The following PLEKHG5 variants were observed in gnomAD, a reference collection of about 807,000 sequenced individuals.
The protein encoded by PLEKHG5 is pleckstrin homology and RhoGEF domain containing G5.
PLEKHG5 carries 52 observed loss-of-function variants against 103.8 expected under a neutral mutation model. The observed-to-expected ratio is 0.50, with a 90% CI of 0.40 to 0.63. The LOEUF is 0.63. Ranked by LOEUF, PLEKHG5 falls within the 30% of genes least tolerant of loss-of-function variation. The pLI is 0.00. For synonymous variants in PLEKHG5, 592 were observed against 575.5 expected (o/e 1.03, Z -0.41); for missense variants, 1,205 against 1,347.6 (o/e 0.89, Z 1.66).
rs1482066801 is a variant in PLEKHG5, at chr1:6,474,074, G to T, written c.530C>A (p.Thr177Asn). Residue 177 changes from threonine (T) to asparagine (N), a missense_variant, in exon 7 of 21, where the codon ACC becomes AAC. Coordinates refer to ENST00000377728, the MANE Select transcript of PLEKHG5 (RefSeq NM_020631.6). ...LSLPILRPAG[T>N]GPPALERVDA... ...CACACGCTCCAGGGCGGGGGGCCCG[G>T]TCCCAGCTGGCCGCAGAATCGGCAA... is the stretch of plus-strand genomic sequence containing the variant. The T allele has an allele frequency of 1.2e-6, 2 of 1,612,456 alleles. No individual in the cohort carries two copies. Among genetic ancestry groups the T allele is most frequent in the African/African-American group, 2.7e-5 (2 of 74,910 alleles).
rs779340676 is a variant in PLEKHG5 at position 6,469,691 on chromosome 1, G to A, written c.1801-15C>T. The A allele has an allele frequency of 1.8e-5, 29 of 1,608,044 alleles. No individual in the cohort carries two copies. The highest frequency in any genetic ancestry group is 8.0e-5 in the African/African-American group (6 of 74,668). On this transcript the variant is annotated splice_polypyrimidine_tract_variant and intron_variant, in intron 16 of 20. Transcript: ENST00000377728. ...TACACATCCATCTGCAGTGGCAGGA[G>A]GGGGGGTGGCCAGAGAGGCCAGCAG...
At chr1:6,474,675 C>A in intron 5 of PLEKHG5, 88 bp from the exon 6 acceptor site, 5 of 1,353,062 alleles carry the variant, frequency 3.7e-6, no homozygotes, top group Non-Finnish European at 5.1e-6. Context: ...CCCGCCCCAC[C>A]CACAGCCCCA....
At chr1:6,497,362 CG>C, upstream of PLEKHG5, 7 of 1,076,756 alleles carry the variant, frequency 6.5e-6, no homozygotes, top group African/African-American at 1.7e-5. This position sits in a 1 kb window ranked among gnomAD's most constrained non-coding sequence, Gnocchi z 6.1. Flanking sequence ...GGGCGGCGGG[CG>C]GGGGCGCCGG....
At chr1:6,485,242 C>A (rs1002474477) in intron 1 of PLEKHG5, 69 of 955,428 alleles carry the variant, frequency 7.2e-5, no homozygotes, top group Middle Eastern at 6.2e-4. Context: ...GCACCCCCTC[C>A]CTGGCCTCCC....
intron 1 of PLEKHG5, among the ~76,000 whole-genome samples, chr1:6,512,787 C>T (rs1041246826): frequency 2.0e-5 from 3 of 152,214 alleles, no homozygotes; most frequent in African/African-American, 4.8e-5. Flanking sequence ...CCGGGCTCCC[C>T]GGGTTCAAAT....
At chr1:6,497,367 G>A (rs1215744138), upstream of PLEKHG5, 6 of 1,101,410 alleles carry the variant, frequency 5.4e-6, no homozygotes, top group Non-Finnish European at 6.7e-6. This position sits in a 1 kb window ranked among gnomAD's most constrained non-coding sequence, Gnocchi z 6.1. Flanking sequence ...GCGGGCGGGG[G>A]CGCCGGGGAC....
At position 6,468,353 on chromosome 1, in the gene PLEKHG5, T is replaced by G; in HGVS notation, c.2483A>C (p.Gln828Pro). 6.2e-7 allele frequency: 1 copy of G among 1,609,172 alleles called. No homozygotes were observed. Among genetic ancestry groups the G allele is most frequent in the Non-Finnish European group, 8.5e-7 (1 of 1,178,330 alleles). Residue 828 changes from glutamine to proline, a missense_variant, in exon 20 of 21, where the codon CAA (glutamine) becomes CCA (proline). Physicochemically the swap from Gln to Pro is moderately conservative, Grantham distance 76. Transcript: ENST00000377728. ...AYGTLSPTSL[Q>P]DFVAPGPMAE... is the part of the protein sequence containing the mutation. ...CATTGGGCCTGGGGCCACAAAGTCT[T>G]GTAAGGAGGTTGGGGAGAGGGTGCC...
Position 6,512,076 on chromosome 1 carries a change from A to G in PLEKHG5, c.-165+7369T>C, listed in dbSNP as rs533385528. ...GGCCTTCAAGGTGGCATCTCCTTTA[A>G]TCTACCCAGTGGCCCTGTGATTGGA... is the stretch of plus-strand genomic sequence containing the variant. On this transcript the variant is annotated intron_variant, in intron 1 of 21. Transcript: ENST00000377740. 2.0e-5 allele frequency among the ~76,000 whole-genome samples: 3 copies of G among 152,242 alleles called. No homozygotes were observed. The South Asian group carries it at 6.2e-4, about 32-fold the overall frequency.
At chr1:6,467,771 G>A (rs972517680) in intron 20 of PLEKHG5, 54 bp downstream of exon 20, 2 of 1,575,166 alleles carry the variant, frequency 1.3e-6, no homozygotes, top group African/African-American at 1.3e-5. Flanking sequence ...GCATGAGTGG[G>A]CCCCCATGCC....
At chr1:6,500,795 G>A (rs11807339), upstream of PLEKHG5, among the ~76,000 whole-genome samples, 1 of 152,056 alleles carries the variant, frequency 6.6e-6, no homozygotes. Flanking sequence ...CTCCCCACGT[G>A]CGCAACAGCC....
chr1:6,511,232 C>T (rs551953303), intron 1 of PLEKHG5, among the ~76,000 whole-genome samples: 1 of 152,302 alleles, frequency 6.6e-6, no homozygotes, highest in Admixed American at 6.5e-5. Context: ...CCTTGAGCTT[C>T]AACCAGGCCT....
upstream of PLEKHG5, among the ~76,000 whole-genome samples, chr1:6,499,707 C>G (rs1457753388): frequency 6.6e-5 from 10 of 152,132 alleles, no homozygotes; most frequent in South Asian, 2.1e-4. Flanking sequence ...CCATCTACAG[C>G]CTTCGAGGAA....
chr1:6,507,695 G>A (rs1348835657), intron 1 of PLEKHG5, among the ~76,000 whole-genome samples: 1 of 152,198 alleles, frequency 6.6e-6, no homozygotes, highest in Admixed American at 6.5e-5. Context: ...CAGCCTGCAC[G>A]CCCCCAGCTG....
At position 6,468,038 on chromosome 1, in the gene PLEKHG5, G is replaced by T; in HGVS notation, c.2798C>A (p.Pro933His). The change falls in exon 20 of 21, where the codon CCT (proline) becomes CAT (histidine). Residue 933 changes from proline to histidine, a missense_variant. Pro to His is a moderately conservative substitution (Grantham distance 77). Transcript: ENST00000377728. The part of the protein sequence containing the change: ...AGPSWDCRGA[P>H]SPGSGPGLVG... ...TAGCCCAGGACCGCTGCCAGGGCTA[G>T]GGGCCCCTCGGCAATCCCAGCTGGG... is the stretch of plus-strand genomic sequence containing the variant. 1 of 1,558,224 alleles carries T rather than the reference G, an allele frequency of 6.4e-7. No individual in the cohort carries two copies. The highest frequency in any genetic ancestry group is 8.7e-7 in the Non-Finnish European group (1 of 1,153,848).
chr1:6,468,074 TGAG>T lies in PLEKHG5; in HGVS notation c.2759_2761del (p.Pro920del), dbSNP rs536097668. ...GCAATCCCAGCTGGGCCCAGCTTCC[TGAG>T]GGGAGCCCTGAGTCCTAATACCTGG... On this transcript the variant is annotated inframe_deletion, in exon 20 of 21. Transcript: ENST00000377728. 212 of 1,581,802 alleles carry T rather than the reference TGAG, an allele frequency of 1.3e-4. No individual in the cohort carries two copies. In the East Asian group the frequency reaches 3.8e-3, roughly 28 times the overall value.
chr1:6,485,984 C>A (rs1011590728), intron 1 of PLEKHG5: 2 of 817,804 alleles, frequency 2.4e-6, no homozygotes, highest in South Asian at 1.1e-4. Context: ...GACACCCCCC[C>A]CCACCTTGGA....
At chr1:6,480,786 C>T (rs1644878660) in intron 1 of PLEKHG5, among the ~76,000 whole-genome samples, 1 of 151,722 alleles carries the variant, frequency 6.6e-6, no homozygotes, top group Non-Finnish European at 1.5e-5. Flanking sequence ...GTAGCTGGGA[C>T]TACAGGCATG....
intron 1 of PLEKHG5, among the ~76,000 whole-genome samples, chr1:6,514,327 C>A (rs572446762): frequency 1.3e-5 from 2 of 150,340 alleles, no homozygotes; most frequent in South Asian, 2.1e-4. Flanking sequence ...TGGTGGTATG[C>A]GCCTGTGGTC....
rs1459890681 is a variant in PLEKHG5 at position 6,470,902 on chromosome 1, G to C, written c.1393-18C>G. The stretch of plus-strand genomic sequence containing the variant: ...TCCGCCCACTGCGGTGGGGGAGTGG[G>C]GGCGGGCTCAGGGCAGGCCCCGCCC... On this transcript the variant is annotated intron_variant, in intron 13 of 20. Coordinates refer to ENST00000377728, the MANE Select transcript of PLEKHG5 (RefSeq NM_020631.6). The C allele has an allele frequency of 2.1e-6, 3 of 1,405,514 alleles. No homozygotes were observed. In the Admixed American group the frequency reaches 8.2e-5, roughly 38 times the overall value. The allele number at this position is 1,405,514 out of a possible 1,614,324, so 87.1% of individuals were successfully genotyped here.
Sources: gnomAD v4.1 joint callset for allele counts (sites outside exome capture counted in the v4.1 genomes callset) on GRCh38, gnomAD v4.1.1 for gene constraint, Gnocchi (gnomAD v3.1) non-coding constraint, MANE v1.5 for transcripts, NCBI Gene and HGNC (gene_info 2026-07-23, HGNC 2026-07-21) for gene names.